KPNA1: variants seen among roughly 807,000 people sequenced by gnomAD.
KPNA1 encodes the protein importin subunit alpha-5.
Under a neutral mutation model 70.5 loss-of-function variants are expected in KPNA1, and 10 were observed. The observed-to-expected ratio is 0.14, with a 90% CI of 0.09 to 0.24. The LOEUF (loss-of-function observed/expected upper bound fraction) is 0.24, where lower values mean the gene tolerates loss of function less well. Among genes scored for constraint, KPNA1 ranks in the 10% least tolerant of loss-of-function variants. The pLI is 1.00. For synonymous variants in KPNA1, 192 were observed against 221.9 expected (o/e 0.87, Z 1.20); for missense variants, 397 against 637.9 (o/e 0.62, Z 4.07).
At chr3:122,475,760 A>G (rs753063026) in intron 2 of KPNA1, among the ~76,000 whole-genome samples, 22 of 152,230 alleles carry the variant, frequency 1.4e-4, no homozygotes, top group Non-Finnish European at 5.9e-5. Flanking sequence ...CACATTTTGC[A>G]TGATATATGT....
chr3:122,513,522 C>T (rs72960442), intron 1 of KPNA1, among the ~76,000 whole-genome samples: 2,497 of 152,096 alleles, frequency 0.016, 68 homozygotes, highest in African/African-American at 0.058. Flanking sequence ...AAGACAAAAA[C>T]AATGTCGAGA....
chr3:122,507,308 G>A (rs2076900818), intron 1 of KPNA1, among the ~76,000 whole-genome samples: 1 of 152,028 alleles, frequency 6.6e-6, no homozygotes, highest in Non-Finnish European at 1.5e-5. Flanking sequence ...GGGCGTGGTG[G>A]CGGGCGCTTG....
intron 3 of KPNA1, 87 bp downstream of exon 3, chr3:122,467,235 A>G: frequency 1.7e-6 from 1 of 603,502 alleles, no homozygotes; most frequent in South Asian, 2.3e-5. Context: ...TACTTTTTGT[A>G]GCCATCTAAC....
intron 10 of KPNA1, among the ~76,000 whole-genome samples, chr3:122,438,624 G>A (rs1367481236): frequency 6.6e-6 from 1 of 151,890 alleles, no homozygotes; most frequent in Non-Finnish European, 1.5e-5. Context: ...GACCTCATGT[G>A]ATCCACCTAC....
rs569528614 is a variant in KPNA1 at position 122,429,426 on chromosome 3, G to T, written c.1251-1710C>A. On this transcript the variant is annotated intron_variant, in intron 12 of 13. Coordinates refer to ENST00000344337, the MANE Select transcript of KPNA1 (RefSeq NM_002264.4). Reference sequence around the variant, plus strand: ...CGTGCCACTGCACTCCAGCCTGGGCGAAAGAGCGAAACTCTGTCTCAAAAA... The same window carrying T: ...CGTGCCACTGCACTCCAGCCTGGGCTAAAGAGCGAAACTCTGTCTCAAAAA... Among the ~76,000 whole-genome samples, 5 of 101,984 alleles carry T rather than the reference G, an allele frequency of 4.9e-5. No homozygotes were observed. The East Asian group carries it at 1.0e-3, about 21-fold the overall frequency. 66.9% of individuals were successfully genotyped at this position (101,984 alleles called of 152,430 possible).
intron 10 of KPNA1, among the ~76,000 whole-genome samples, chr3:122,438,911 G>A (rs562366752): frequency 9.9e-5 from 15 of 152,126 alleles, no homozygotes; most frequent in South Asian, 4.2e-4. Flanking sequence ...GTCAAAAATC[G>A]TAACAGATTT....
intron 9 of KPNA1, among the ~76,000 whole-genome samples, chr3:122,448,613 G>A (rs1252251155): frequency 6.6e-6 from 1 of 152,062 alleles, no homozygotes; most frequent in Non-Finnish European, 1.5e-5. Flanking sequence ...GGCAGGGGGA[G>A]GGATAGCATT....
chr3:122,489,057 C>CGTGTGTGTGTGTGTGT (rs34002370), intron 2 of KPNA1, among the ~76,000 whole-genome samples: 3 of 130,724 alleles, frequency 2.3e-5, no homozygotes. Context: ...TTTTTGCGTG[C>CGTGTGTGTGTGTGTGT]GTGTGTGTGT....
In KPNA1 at chr3:122,426,973, C is replaced by T; in HGVS notation, c.*12G>A. The T allele has an allele frequency of 6.2e-7, 1 of 1,611,334 alleles. No individual in the cohort carries two copies. Among genetic ancestry groups the T allele is most frequent in the Non-Finnish European group, 8.5e-7 (1 of 1,177,736 alleles). On this transcript the variant is annotated 3_prime_UTR_variant, in exon 14 of 14. Coordinates refer to ENST00000344337, the MANE Select transcript of KPNA1 (RefSeq NM_002264.4). ...CTGGTCTGACACAGGTACGTGAAAG[C>T]AGAGTATTGCTTCAAAGCTGGAAAC...
At chr3:122,450,777 C>A (rs1035078903) in intron 8 of KPNA1, among the ~76,000 whole-genome samples, 3 of 152,078 alleles carry the variant, frequency 2.0e-5, no homozygotes, top group African/African-American at 7.2e-5. Flanking sequence ...GAAAAGAGGT[C>A]ATTATAAGAA....
chr3:122,457,593 TA>T, intron 5 of KPNA1: 1 of 727,688 alleles, frequency 1.4e-6, no homozygotes, highest in South Asian at 1.8e-5. Flanking sequence ...CTGAACTCAC[TA>T]AATAAGGCTA....
intron 1 of KPNA1, among the ~76,000 whole-genome samples, chr3:122,504,269 G>GT (rs935181468): frequency 1.9e-4 from 29 of 152,032 alleles, no homozygotes; most frequent in Admixed American, 1.9e-3. Flanking sequence ...TCAGTATCTG[G>GT]TGAGGACCCA....
In KPNA1 at chr3:122,426,614, G is replaced by GT. The variant is rs775634824; in HGVS notation, c.*370dup. On this transcript the variant is annotated 3_prime_UTR_variant, in exon 14 of 14. Transcript: ENST00000344337. ...GATTTAGTCTCATCTTTTAATGTCA[G>GT]TTTTTTCCCCCATGTTAAAGGGAAT... is the stretch of plus-strand genomic sequence containing the variant. 1.1e-5 allele frequency: 2 copies of GT among 174,352 alleles called. No individual in the cohort carries two copies. Among genetic ancestry groups the GT allele is most frequent in the African/African-American group, 4.7e-5 (2 of 42,206 alleles). The allele number at this position is 174,352 out of a possible 1,614,324, so 10.8% of individuals were successfully genotyped here. A position where few individuals can be genotyped will look rare whatever the true frequency, so the allele number is the denominator to read the frequency against.
chr3:122,513,630 T>TC (rs1263258504), intron 1 of KPNA1, among the ~76,000 whole-genome samples: 1 of 150,942 alleles, frequency 6.6e-6, no homozygotes, highest in African/African-American at 2.4e-5. Flanking sequence ...AAAGCAAGAC[T>TC]CCATCTCTTA....
At chr3:122,442,566 A>G (rs866362405) in intron 9 of KPNA1, among the ~76,000 whole-genome samples, 2 of 152,234 alleles carry the variant, frequency 1.3e-5, no homozygotes, top group Non-Finnish European at 2.9e-5. Flanking sequence ...GCAAGTCAGG[A>G]GTCACACTCT....
chr3:122,497,081 T>G lies in KPNA1; in HGVS notation c.-5-511A>C, dbSNP rs147828198. The stretch of plus-strand genomic sequence containing the variant: ...TTTACAGCTTGTACAACCTTCATCA[T>G]AGTGAATTTTGGGACATTTTAATCA... On this transcript the variant is annotated intron_variant, in intron 1 of 13. Coordinates refer to ENST00000344337, the MANE Select transcript of KPNA1 (RefSeq NM_002264.4). Among the ~76,000 whole-genome samples, 389 of 152,318 alleles carry G rather than the reference T, an allele frequency of 2.6e-3. 3 individuals carry two copies. Among genetic ancestry groups the G allele is most frequent in the African/African-American group, 9.2e-3 (381 of 41,552 alleles).
intron 11 of KPNA1, among the ~76,000 whole-genome samples, chr3:122,434,806 T>C (rs552757381): frequency 6.6e-6 from 1 of 152,344 alleles, no homozygotes; most frequent in Middle Eastern, 3.4e-3. Flanking sequence ...TGGGTTTATA[T>C]CATTTCCTAC....
chr3:122,436,041 T>G (rs1337993132), intron 11 of KPNA1, among the ~76,000 whole-genome samples: 1 of 152,196 alleles, frequency 6.6e-6, no homozygotes, highest in Non-Finnish European at 1.5e-5. Flanking sequence ...TACTGAATTC[T>G]TTTTCTCAGC....
intron 2 of KPNA1, among the ~76,000 whole-genome samples, chr3:122,485,899 T>C (rs1299631298): frequency 6.6e-6 from 1 of 152,210 alleles, no homozygotes; most frequent in East Asian, 1.9e-4. Context: ...ACTTTATTTA[T>C]TAGGTGAATG....
Sources: allele counts gnomAD v4.1 joint callset (sites outside exome capture counted in the v4.1 genomes callset), GRCh38; gene constraint gnomAD v4.1.1; transcripts MANE v1.5; gene names NCBI Gene and HGNC (gene_info 2026-07-23, HGNC 2026-07-21).